KDM7A: variants seen among roughly 807,000 people sequenced by gnomAD.
The protein encoded by KDM7A is lysine demethylase 7A.
KDM7A carries 28 observed loss-of-function variants against 114.8 expected under a neutral mutation model. The observed-to-expected ratio is 0.24, with a 90% CI of 0.18 to 0.33. The LOEUF (loss-of-function observed/expected upper bound fraction) is 0.33. KDM7A is among the 10% of genes least tolerant of loss of function. KDM7A has a pLI of 1.00. For synonymous variants in KDM7A, 423 were observed against 397.8 expected, an observed-to-expected ratio of 1.06 and a Z score of -0.75; for missense variants, 942 against 1,142.5, an observed-to-expected ratio of 0.82 and a Z score of 2.53.
At chr7:140,125,507 C>T (rs944191038) in intron 6 of KDM7A, among the ~76,000 whole-genome samples, 6 of 152,188 alleles carry the variant, frequency 3.9e-5, no homozygotes, top group African/African-American at 1.4e-4. Flanking sequence ...CTAGTGGCAA[C>T]TGTTTTGAAC....
chr7:140,121,104 G>A (rs1319534287), intron 7 of KDM7A, among the ~76,000 whole-genome samples: 1 of 152,150 alleles, frequency 6.6e-6, no homozygotes, highest in African/African-American at 2.4e-5. Flanking sequence ...AGGATCAGAG[G>A]AGTCAACCTG....
At chr7:140,102,574 T>C (rs755885751) in intron 11 of KDM7A, among the ~76,000 whole-genome samples, 3 of 152,122 alleles carry the variant, frequency 2.0e-5, no homozygotes, top group Non-Finnish European at 4.4e-5. Context: ...GTATTTGCCA[T>C]GTTGCCCAGG....
At chr7:140,120,132 T>C (rs141915721) in intron 8 of KDM7A, among the ~76,000 whole-genome samples, 230 of 152,328 alleles carry the variant, frequency 1.5e-3, no homozygotes, top group African/African-American at 5.2e-3. Flanking sequence ...TGACTAGATT[T>C]TGTTCATCTC....
chr7:140,129,131 A>G (rs1818749760), intron 4 of KDM7A, among the ~76,000 whole-genome samples: 1 of 152,170 alleles, frequency 6.6e-6, no homozygotes, highest in African/African-American at 2.4e-5. Context: ...GGATCTGGGA[A>G]TTTTGCACCT....
At chr7:140,094,233 G>C (rs886182731) in intron 17 of KDM7A, 95 bp from the exon 18 acceptor site, 1 of 803,850 alleles carries the variant, frequency 1.2e-6, no homozygotes, top group African/African-American at 1.7e-5. Flanking sequence ...GGTTGGGCGT[G>C]ATGGCTCACG....
intron 7 of KDM7A, among the ~76,000 whole-genome samples, chr7:140,121,848 A>G (rs999484957): frequency 1.3e-5 from 2 of 152,100 alleles, no homozygotes; most frequent in Non-Finnish European, 2.9e-5. Context: ...GTATATTTTC[A>G]TGGTTTTGGC....
intron 1 of KDM7A, among the ~76,000 whole-genome samples, chr7:140,169,302 G>C (rs1036513503): frequency 2.0e-5 from 3 of 152,202 alleles, no homozygotes; most frequent in Admixed American, 6.5e-5. Context: ...CTGTTCAAAG[G>C]CTGCACAAAT....
Position 140,176,045 on chromosome 7 carries a change from G to A in KDM7A, c.194+699C>T, listed in dbSNP as rs1457789160. ...CGGGTCAACCTGCCGCCCGCCGGGGGCCCGGCCCCAACTTCCCCGGCACCT... is the reference window on the plus strand; with the variant it reads ...CGGGTCAACCTGCCGCCCGCCGGGGACCCGGCCCCAACTTCCCCGGCACCT... On this transcript the variant is annotated intron_variant, in intron 1 of 19. Transcript: ENST00000397560. The surrounding 1 kb of genome is among the most constrained non-coding windows in gnomAD (Gnocchi z 4.4). Among the ~76,000 whole-genome samples the A allele has an allele frequency of 1.3e-5, 2 of 151,764 alleles. No homozygotes were observed. Among genetic ancestry groups the A allele is most frequent in the African/African-American group, 4.8e-5 (2 of 41,318 alleles).
intron 1 of KDM7A, among the ~76,000 whole-genome samples, chr7:140,141,128 T>C (rs1410108820): frequency 1.3e-5 from 2 of 152,122 alleles, no homozygotes; most frequent in African/African-American, 4.8e-5. Context: ...TAAAATATTA[T>C]TGAGAGACTT....
chr7:140,170,593 T>C (rs1794627812), intron 1 of KDM7A, among the ~76,000 whole-genome samples: 1 of 152,190 alleles, frequency 6.6e-6, no homozygotes, highest in African/African-American at 2.4e-5. Flanking sequence ...ATGTGTAAAA[T>C]GGGGATGATA....
At chr7:140,126,961 C>T in intron 5 of KDM7A, 138 bp from the exon 6 acceptor site, 2 of 684,838 alleles carry the variant, frequency 2.9e-6, no homozygotes, top group East Asian at 5.4e-5. Flanking sequence ...GTTTAAAACA[C>T]ATGTTTGTTT....
At chr7:140,143,006 C>T (rs1794301781) in intron 1 of KDM7A, among the ~76,000 whole-genome samples, 2 of 151,502 alleles carry the variant, frequency 1.3e-5, no homozygotes. Flanking sequence ...ACGGTGAAAC[C>T]CCATCTCTAC....
chr7:140,096,871 T>G (rs754552186), intron 16 of KDM7A, 28 bp downstream of exon 16: 10 of 1,605,576 alleles, frequency 6.2e-6, no homozygotes, highest in Non-Finnish European at 8.5e-6. Flanking sequence ...TACAATATAA[T>G]AAGACTTACT....
At chr7:140,172,363 T>C (rs921325362) in intron 1 of KDM7A, among the ~76,000 whole-genome samples, 2 of 152,096 alleles carry the variant, frequency 1.3e-5, no homozygotes, top group Admixed American at 1.3e-4. Flanking sequence ...TAAGAAAAAG[T>C]AGTAAACAGG....
intron 11 of KDM7A, among the ~76,000 whole-genome samples, chr7:140,109,774 T>C (rs11486906): frequency 0.35 from 52,490 of 152,076 alleles, 9,308 homozygotes; most frequent in Middle Eastern, 0.43. Context: ...TCCTTCAATA[T>C]TCAGTAAATT....
chr7:140,125,693 A>G (rs1818689060), intron 6 of KDM7A, among the ~76,000 whole-genome samples: 1 of 151,284 alleles, frequency 6.6e-6, no homozygotes, highest in South Asian at 2.1e-4. Context: ...CAGCCTCTTG[A>G]GTAGCTGCGA....
Position 140,161,104 on chromosome 7 carries a change from A to G in KDM7A, c.194+15640T>C, listed in dbSNP as rs542055061. On this transcript the variant is annotated intron_variant, in intron 1 of 19. Transcript: ENST00000397560. The stretch of plus-strand genomic sequence containing the variant: ...ACCTGTGACAAGTTAAATTACGTAA[A>G]AAGACTATAAAATTCCTATAATCTG... Among the ~76,000 whole-genome samples the G allele has an allele frequency of 2.0e-5, 3 of 152,366 alleles. No individual in the cohort carries two copies. In the East Asian group the frequency reaches 5.8e-4, roughly 29 times the overall value.
chr7:140,175,896 T>A (rs963131978), intron 1 of KDM7A, among the ~76,000 whole-genome samples: 5 of 152,040 alleles, frequency 3.3e-5, no homozygotes, highest in Non-Finnish European at 7.4e-5. Context: ...TTTGTAAAGT[T>A]TAAGCCGCGG....
In KDM7A at chr7:140,100,681, C is replaced by CATATATATATATATATAT. The variant is rs1318217688; in HGVS notation, c.1639-659_1639-658insATATATATATATATATAT. Among the ~76,000 whole-genome samples the CATATATATATATATATAT allele has an allele frequency of 3.4e-4, 15 of 44,342 alleles. No homozygotes were observed. The East Asian group carries it at 3.6e-3, about 11-fold the overall frequency. The allele number at this position is 44,342 out of a possible 152,430, so 29.1% of individuals were successfully genotyped here. ...AAAGTTATATATATATATATATATA[C>CATATATATATATATATAT]ATATATACATATATATATATATATA... is the stretch of plus-strand genomic sequence containing the variant. On this transcript the variant is annotated intron_variant, in intron 12 of 19. Coordinates refer to ENST00000397560, the MANE Select transcript of KDM7A (RefSeq NM_030647.2).
Sources: allele counts gnomAD v4.1 joint callset (sites outside exome capture counted in the v4.1 genomes callset), GRCh38; gene constraint gnomAD v4.1.1; non-coding constraint Gnocchi (gnomAD v3.1); transcripts MANE v1.5; gene names NCBI Gene and HGNC (gene_info 2026-07-23, HGNC 2026-07-21).